The following DNAJC1 variants were observed in gnomAD, a reference collection of about 807,000 sequenced individuals.
The protein encoded by DNAJC1 is dnaJ homolog subfamily C member 1.
DNAJC1 carries 58 observed loss-of-function variants against 76.6 expected under a neutral mutation model. That is an observed-to-expected ratio of 0.76 (90% CI 0.61 to 0.94). DNAJC1 has a LOEUF of 0.94. Among genes scored for constraint, DNAJC1 ranks in the 40% least tolerant of loss-of-function variants. DNAJC1 has a pLI of 0.00. For synonymous variants in DNAJC1, 258 were observed against 267.9 expected, an observed-to-expected ratio of 0.96 and a Z score of 0.36; for missense variants, 689 against 677.3, an observed-to-expected ratio of 1.02 and a Z score of -0.19.
rs750715099 is a variant in DNAJC1 at position 21,759,521 on chromosome 10, C to T, written c.1245G>A (p.Glu415=). ...CCTCCGCTGCCACCCCCTCTGCGTCCTCTCGCTGGGTGATCATGTCATCGG... is the reference window on the plus strand; with the variant it reads ...CCTCCGCTGCCACCCCCTCTGCGTCTTCTCGCTGGGTGATCATGTCATCGG... ...TLPDDMITQR[E]DAEGVAAEEE... is the part of the protein sequence containing the mutation. The change falls in exon 11 of 12, where the codon GAG becomes GAA. Residue 415 remains glutamate, a synonymous_variant. Transcript: ENST00000376980. 6 of 1,614,228 alleles carry T rather than the reference C, an allele frequency of 3.7e-6. No homozygotes were observed. The highest frequency in any genetic ancestry group is 4.2e-6 in the Non-Finnish European group (5 of 1,180,046).
chr10:21,801,281 C>T (rs1016155302), intron 9 of DNAJC1, among the ~76,000 whole-genome samples: 1 of 151,892 alleles, frequency 6.6e-6, no homozygotes, highest in Admixed American at 6.6e-5. Context: ...TAATATCCAG[C>T]ATCTATAAGG....
At chr10:21,796,324 T>C (rs1476920181) in intron 9 of DNAJC1, among the ~76,000 whole-genome samples, 1 of 152,134 alleles carries the variant, frequency 6.6e-6, no homozygotes, top group African/African-American at 2.4e-5. Context: ...TCCCACATCT[T>C]CTCTAGCCAT....
At chr10:21,977,513 G>A (rs965588870) in intron 1 of DNAJC1, among the ~76,000 whole-genome samples, 2 of 152,074 alleles carry the variant, frequency 1.3e-5, no homozygotes, top group African/African-American at 2.4e-5. Context: ...AGACTTGTGT[G>A]GCTTAAAGAA....
chr10:21,887,776 T>TA (rs1164795720), intron 7 of DNAJC1, among the ~76,000 whole-genome samples: 3 of 151,906 alleles, frequency 2.0e-5, no homozygotes, highest in East Asian at 1.9e-4. Flanking sequence ...CCCAAAACTA[T>TA]AAAAAACCTG....
At chr10:21,862,427 A>ATTTT (rs535547596) in intron 8 of DNAJC1, among the ~76,000 whole-genome samples, 1 of 131,884 alleles carries the variant, frequency 7.6e-6, no homozygotes, top group Non-Finnish European at 1.6e-5. Flanking sequence ...CTGTTACTAC[A>ATTTT]TTTTTTTTTT....
In DNAJC1 at chr10:21,759,759, A is replaced by G. The variant is rs993512319; in HGVS notation, c.1148-141T>C. 8 of 711,710 alleles carry G rather than the reference A, an allele frequency of 1.1e-5. No homozygotes were observed. The Admixed American group carries it at 2.3e-4, about 21-fold the overall frequency. 44.1% of individuals were successfully genotyped at this position (711,710 alleles called of 1,614,324 possible). On this transcript the variant is annotated intron_variant, in intron 10 of 11. Transcript: ENST00000376980. ...TTTAATTTCATTTCCACACTACTCTATTCTAGAAAGATAGGGATCATTACC... is the reference window on the plus strand; with the variant it reads ...TTTAATTTCATTTCCACACTACTCTGTTCTAGAAAGATAGGGATCATTACC...
At chr10:21,846,194 A>T (rs1029611812) in intron 8 of DNAJC1, among the ~76,000 whole-genome samples, 1 of 152,198 alleles carries the variant, frequency 6.6e-6, no homozygotes. Flanking sequence ...GTTTGCGTAC[A>T]ATGTCTGTGA....
At chr10:21,814,856 T>C (rs1835049803) in intron 8 of DNAJC1, among the ~76,000 whole-genome samples, 1 of 152,106 alleles carries the variant, frequency 6.6e-6, no homozygotes, top group African/African-American at 2.4e-5. Flanking sequence ...CTCAAAGAAA[T>C]GTACGTAAAT....
In DNAJC1 at chr10:21,938,636, A is replaced by G. The variant is rs373088746; in HGVS notation, c.223-9495T>C. Among the ~76,000 whole-genome samples, 20 of 152,298 alleles carry G rather than the reference A, an allele frequency of 1.3e-4. No homozygotes were observed. The East Asian group carries it at 2.1e-3, about 16-fold the overall frequency. On this transcript the variant is annotated intron_variant, in intron 1 of 11. Transcript: ENST00000376980. ...AAATGGGTATGGTGGTGTTCCAATA[A>G]AACTTTATTACAAAATCAGGTAGTG... is the stretch of plus-strand genomic sequence containing the variant.
At chr10:21,883,298 T>C (rs1039520263) in intron 7 of DNAJC1, among the ~76,000 whole-genome samples, 1 of 67,558 alleles carries the variant, frequency 1.5e-5, no homozygotes, top group Non-Finnish European at 3.6e-5. Context: ...ACACACACCA[T>C]TTTAACTGGA....
At chr10:21,865,699 A>G (rs1048448988) in intron 8 of DNAJC1, 1 of 152,134 alleles carries the variant, frequency 6.6e-6, no homozygotes, top group South Asian at 2.1e-4. Context: ...TACACTTTAA[A>G]TATGTCTAGT....
chr10:21,976,542 T>C (rs1245372566), intron 1 of DNAJC1, among the ~76,000 whole-genome samples: 2 of 152,204 alleles, frequency 1.3e-5, no homozygotes, highest in African/African-American at 4.8e-5. Context: ...ATCTTTGTAG[T>C]AATAATTCCT....
chr10:21,777,551 A>C (rs1834467608), intron 9 of DNAJC1, among the ~76,000 whole-genome samples: 1 of 152,172 alleles, frequency 6.6e-6, no homozygotes, highest in African/African-American at 2.4e-5. Flanking sequence ...CTTGCTCTCA[A>C]ATTTATCCTC....
intron 8 of DNAJC1, among the ~76,000 whole-genome samples, chr10:21,829,221 G>GA (rs1554889068): frequency 7.0e-6 from 1 of 141,898 alleles, no homozygotes; most frequent in African/African-American, 2.6e-5. Flanking sequence ...GTTCGTTTTT[G>GA]TTTTTTTTTT....
At chr10:21,758,118 T>C (rs1273610458) in intron 11 of DNAJC1, among the ~76,000 whole-genome samples, 1 of 152,146 alleles carries the variant, frequency 6.6e-6, no homozygotes, top group Non-Finnish European at 1.5e-5. Flanking sequence ...CTCTCAACTT[T>C]AATCATTTTA....
intron 8 of DNAJC1, among the ~76,000 whole-genome samples, chr10:21,872,564 C>G (rs1292647898): frequency 6.6e-6 from 1 of 152,038 alleles, no homozygotes; most frequent in East Asian, 1.9e-4. Context: ...AACAGCAGAT[C>G]TGAGCAGGAA....
At chr10:21,791,152 TA>T (rs1290258831) in intron 9 of DNAJC1, among the ~76,000 whole-genome samples, 2 of 152,138 alleles carry the variant, frequency 1.3e-5, no homozygotes, top group Admixed American at 6.5e-5. Flanking sequence ...TATATGATGA[TA>T]AAAGGATCAA....
At position 21,849,625 on chromosome 10, in the gene DNAJC1, ATTACACTGAT is replaced by A. The variant is rs1332451349; in HGVS notation, c.978+32647_978+32656del. On this transcript the variant is annotated intron_variant, in intron 8 of 11. Coordinates refer to ENST00000376980, the MANE Select transcript of DNAJC1 (RefSeq NM_022365.4). ...TGCTAACACATTTTATGATGCCAGTATTACACTGATTTCCAAGTCTGACAAAGACAGCATG... is the reference window on the plus strand; with the variant it reads ...TGCTAACACATTTTATGATGCCAGTATTCCAAGTCTGACAAAGACAGCATG... 7.2e-5 allele frequency among the ~76,000 whole-genome samples: 11 copies of A among 152,286 alleles called. No individual in the cohort carries two copies. The East Asian group carries it at 1.9e-3, about 27-fold the overall frequency.
At chr10:21,969,712 A>G (rs1004562277) in intron 1 of DNAJC1, among the ~76,000 whole-genome samples, 2 of 152,244 alleles carry the variant, frequency 1.3e-5, no homozygotes, top group Admixed American at 1.3e-4. Flanking sequence ...TAAGTAGTAC[A>G]TAAAATAATG....
Sources: gnomAD v4.1 joint callset for allele counts (sites outside exome capture counted in the v4.1 genomes callset) on GRCh38, gnomAD v4.1.1 for gene constraint, MANE v1.5 for transcripts, NCBI Gene and HGNC (gene_info 2026-07-23, HGNC 2026-07-21) for gene names.